CADM1: variants seen among roughly 807,000 people sequenced by gnomAD.
The protein encoded by CADM1 is cell adhesion molecule 1, also known as TSLC-1.
In CADM1, 15 loss-of-function variants were observed where a neutral mutation model predicts 53.1. The observed-to-expected ratio is 0.28, with a 90% CI of 0.19 to 0.44. The LOEUF (loss-of-function observed/expected upper bound fraction) is 0.44. Among genes scored for constraint, CADM1 ranks in the 20% least tolerant of loss-of-function variants. CADM1 has a pLI of 1.00. For missense variants in CADM1, 434 were observed against 611.3 expected (o/e 0.71, Z 3.06); for synonymous variants, 281 against 243.0 (o/e 1.16, Z -1.45).
chr11:115,393,138 A>G (rs1226381472), intron 1 of CADM1, among the ~76,000 whole-genome samples: 1 of 151,334 alleles, frequency 6.6e-6, no homozygotes, highest in East Asian at 1.9e-4. Context: ...ATTAATTATT[A>G]TATAGTCTTT....
At chr11:115,396,487 C>G (rs1411087543) in intron 1 of CADM1, among the ~76,000 whole-genome samples, 1 of 152,184 alleles carries the variant, frequency 6.6e-6, no homozygotes, top group Non-Finnish European at 1.5e-5. Context: ...CGTTGGCCAA[C>G]CTTCAACAAG....
chr11:115,434,979 G>T (rs376236867), intron 1 of CADM1, among the ~76,000 whole-genome samples: 8 of 151,036 alleles, frequency 5.3e-5, no homozygotes, highest in African/African-American at 1.9e-4. Flanking sequence ...TCCTGCCTTA[G>T]CCTCCAGAGT....
At position 115,450,469 on chromosome 11, in the gene CADM1, T is replaced by C. The variant is rs539189302; in HGVS notation, c.124+53802A>G. Reference sequence around the variant, plus strand: ...ATGCATCCTTGATGCTGATGTGATCTTTCCAGTTATTGAACGTTTCATTGA... The same window carrying C: ...ATGCATCCTTGATGCTGATGTGATCCTTCCAGTTATTGAACGTTTCATTGA... On this transcript the variant is annotated intron_variant, in intron 1 of 11. Coordinates refer to ENST00000331581, the MANE Select transcript of CADM1 (RefSeq NM_001301043.2). Among the ~76,000 whole-genome samples the C allele has an allele frequency of 8.8e-4, 134 of 152,318 alleles. 1 individual carries two copies. The highest frequency in any genetic ancestry group is 6.8e-3 in the Middle Eastern group (2 of 294).
chr11:115,500,311 C>T (rs897185625), intron 1 of CADM1, among the ~76,000 whole-genome samples: 9 of 152,172 alleles, frequency 5.9e-5, no homozygotes, highest in Admixed American at 5.9e-4. Context: ...GACACACACA[C>T]ACACACAAAA....
chr11:115,467,811 T>C (rs1419903746), intron 1 of CADM1, among the ~76,000 whole-genome samples: 1 of 152,182 alleles, frequency 6.6e-6, no homozygotes, highest in Non-Finnish European at 1.5e-5. Flanking sequence ...CCTAAGGACC[T>C]TTAAACAAAA....
intron 1 of CADM1, among the ~76,000 whole-genome samples, chr11:115,300,792 C>T (rs1173060503): frequency 1.3e-5 from 2 of 151,970 alleles, no homozygotes; most frequent in Non-Finnish European, 2.9e-5. Flanking sequence ...TATGATCATC[C>T]GGAAGAGGTG....
In CADM1 at chr11:115,308,215, C is replaced by T. The variant is rs866785064; in HGVS notation, c.125-67795G>A. On this transcript the variant is annotated intron_variant, in intron 1 of 11. Transcript: ENST00000331581. ...GTGTGTATATATATATATATATACA[C>T]ACCTATGAGAAGGTTTTTGTCCTTA... 7.4e-3 allele frequency among the ~76,000 whole-genome samples: 325 copies of T among 43,688 alleles called. 2 individuals are homozygous for T. Among genetic ancestry groups the T allele is most frequent in the African/African-American group, 0.04 (299 of 7,404 alleles). 28.7% of individuals were successfully genotyped at this position (43,688 alleles called of 152,430 possible).
At chr11:115,295,392 C>T (rs1944023777) in intron 1 of CADM1, among the ~76,000 whole-genome samples, 1 of 151,046 alleles carries the variant, frequency 6.6e-6, no homozygotes, top group South Asian at 2.1e-4. Flanking sequence ...TGTCTCTCTC[C>T]CACTGCTTCT....
intron 1 of CADM1, among the ~76,000 whole-genome samples, chr11:115,331,978 T>C (rs17118279): frequency 1.6e-3 from 245 of 151,936 alleles, no homozygotes; most frequent in African/African-American, 4.9e-3. Flanking sequence ...ATTGATCCAA[T>C]TGTCCCAGTT....
At chr11:115,392,465 A>T (rs1463623186) in intron 1 of CADM1, among the ~76,000 whole-genome samples, 2 of 152,118 alleles carry the variant, frequency 1.3e-5, no homozygotes, top group African/African-American at 4.8e-5. Flanking sequence ...ATTTACATTG[A>T]TTAAACACCA....
chr11:115,202,783 G>A (rs1314654888), intron 8 of CADM1, among the ~76,000 whole-genome samples: 1 of 151,636 alleles, frequency 6.6e-6, no homozygotes, highest in African/African-American at 2.4e-5. Flanking sequence ...GGCAGGCAAG[G>A]AATTCCCCTG....
chr11:115,280,696 G>A (rs1216726022), intron 1 of CADM1, among the ~76,000 whole-genome samples: 2 of 152,216 alleles, frequency 1.3e-5, no homozygotes, highest in Admixed American at 6.5e-5. Context: ...GATCCGTGGT[G>A]TATCTCCATC....
At chr11:115,230,289 T>C (rs1200477213) in intron 4 of CADM1, among the ~76,000 whole-genome samples, 1 of 152,248 alleles carries the variant, frequency 6.6e-6, no homozygotes, top group African/African-American at 2.4e-5. Flanking sequence ...TTTATTTATT[T>C]AACAAGCACA....
chr11:115,312,438 T>A (rs993658637), intron 1 of CADM1, among the ~76,000 whole-genome samples: 4 of 152,164 alleles, frequency 2.6e-5, no homozygotes, highest in African/African-American at 9.7e-5. Context: ...AATACACTGC[T>A]GGAATGTACT....
intron 3 of CADM1, among the ~76,000 whole-genome samples, chr11:115,236,743 A>G (rs913445596): frequency 2.0e-5 from 3 of 149,550 alleles, no homozygotes; most frequent in African/African-American, 7.3e-5. Flanking sequence ...TGCCTTTAGG[A>G]AAAAAAAAAA....
intron 1 of CADM1, among the ~76,000 whole-genome samples, chr11:115,488,545 A>C (rs1591298430): frequency 6.6e-6 from 1 of 152,230 alleles, no homozygotes; most frequent in Non-Finnish European, 1.5e-5. Context: ...AACTCTGGTT[A>C]GAGTGGTTCC....
At chr11:115,241,763 G>T (rs189752412) in intron 1 of CADM1, among the ~76,000 whole-genome samples, 5 of 151,828 alleles carry the variant, frequency 3.3e-5, no homozygotes, top group Admixed American at 2.0e-4. Flanking sequence ...CAAGAATAAG[G>T]CTCCTGCTCT....
intron 5 of CADM1, among the ~76,000 whole-genome samples, chr11:115,225,635 C>T (rs538110485): frequency 3.3e-5 from 5 of 152,266 alleles, no homozygotes; most frequent in African/African-American, 1.2e-4. Flanking sequence ...AAAAGCAATT[C>T]CAAGTTGCAG....
At chr11:115,296,496 C>T (rs999523664) in intron 1 of CADM1, among the ~76,000 whole-genome samples, 1 of 152,110 alleles carries the variant, frequency 6.6e-6, no homozygotes, top group African/African-American at 2.4e-5. Flanking sequence ...TGGATTAGCT[C>T]TTGTGGAAAT....
Sources: allele counts gnomAD v4.1 joint callset (sites outside exome capture counted in the v4.1 genomes callset), GRCh38; gene constraint gnomAD v4.1.1; transcripts MANE v1.5; gene names NCBI Gene and HGNC (gene_info 2026-07-23, HGNC 2026-07-21).